The following USP33 variants were observed in gnomAD, a reference collection of about 807,000 sequenced individuals.
USP33 encodes the protein ubiquitin carboxyl-terminal hydrolase 33.
In USP33, 46 loss-of-function variants were observed where a neutral mutation model predicts 124.2. The observed-to-expected ratio is 0.37, with a 90% CI of 0.29 to 0.47. The LOEUF is 0.47. USP33 is among the 20% of genes least tolerant of loss of function. The pLI is 0.99. For synonymous variants in USP33, 350 were observed against 352.3 expected (o/e 0.99, Z 0.07); for missense variants, 851 against 1,070.6 (o/e 0.79, Z 2.86).
At position 77,722,171 on chromosome 1, in the gene USP33, T is replaced by C; in HGVS notation, c.1415A>G (p.Gln472Arg). The C allele has an allele frequency of 6.2e-7, 1 of 1,613,412 alleles. No homozygotes were observed. The highest frequency in any genetic ancestry group is 8.5e-7 in the Non-Finnish European group (1 of 1,179,710). Reference sequence around the variant, plus strand: ...GCCAGGAATTGGCAAGGACAGATCTTGAAAGGTCTCGAGGGTTACAGACAC... The same window carrying C: ...GCCAGGAATTGGCAAGGACAGATCTCGAAAGGTCTCGAGGGTTACAGACAC... ...DRVSVTLETFQDLSLPIPGKE... is the reference protein window; with the variant it reads ...DRVSVTLETFRDLSLPIPGKE... Residue 472 changes from glutamine to arginine, a missense_variant, in exon 13 of 24, where the codon CAA becomes CGA. Gln to Arg is a conservative substitution (Grantham distance 43, BLOSUM62 1). Transcript: ENST00000370794.
chr1:77,750,155 T>TA (rs1008460595), intron 1 of USP33, among the ~76,000 whole-genome samples: 11 of 151,710 alleles, frequency 7.3e-5, no homozygotes, highest in Admixed American at 3.9e-4. Flanking sequence ...CCTTCTTTAC[T>TA]AAAAATACAA....
At chr1:77,717,282 G>T (rs971174573) in intron 17 of USP33, among the ~76,000 whole-genome samples, 1 of 152,080 alleles carries the variant, frequency 6.6e-6, no homozygotes, top group African/African-American at 2.4e-5. Flanking sequence ...GAGGTCAGGA[G>T]ATCGAGACCA....
At chr1:77,714,075 C>A (rs1675592647) in intron 19 of USP33, among the ~76,000 whole-genome samples, 1 of 152,144 alleles carries the variant, frequency 6.6e-6, no homozygotes, top group Non-Finnish European at 1.5e-5. Flanking sequence ...TAGAAATAAA[C>A]ATTAACACAG....
intron 1 of USP33, among the ~76,000 whole-genome samples, chr1:77,750,358 C>T (rs888978722): frequency 1.3e-5 from 2 of 151,662 alleles, no homozygotes; most frequent in African/African-American, 4.9e-5. Context: ...GGCAGCCACG[C>T]ATGACAGCTC....
intron 17 of USP33, chr1:77,717,472 A>G (rs1157550192): frequency 6.7e-6 from 1 of 149,838 alleles, no homozygotes; most frequent in Non-Finnish European, 1.5e-5. Flanking sequence ...CCTGGGCAAC[A>G]GAGTGAGACT....
rs1172562487 is a variant in USP33 at position 77,717,647 on chromosome 1, G to C, written c.1918+220C>G. ...TTTTTAACATTTTTTCTTTTATTCAGATATTATTTAAAAGATTAATTAGGA... is the reference window on the plus strand; with the variant it reads ...TTTTTAACATTTTTTCTTTTATTCACATATTATTTAAAAGATTAATTAGGA... On this transcript the variant is annotated intron_variant, in intron 17 of 23. Coordinates refer to ENST00000370794, the MANE Select transcript of USP33 (RefSeq NM_201624.3). The C allele has an allele frequency of 1.1e-4, 34 of 308,904 alleles. No individual in the cohort carries two copies. In the Admixed American group the frequency reaches 1.7e-3, roughly 15 times the overall value. The allele number at this position is 308,904 out of a possible 1,614,324, so 19.1% of individuals were successfully genotyped here.
intron 1 of USP33, among the ~76,000 whole-genome samples, chr1:77,747,645 G>A (rs1312524538): frequency 6.6e-6 from 1 of 152,086 alleles, no homozygotes; most frequent in East Asian, 1.9e-4. Flanking sequence ...ACCATTAAAA[G>A]GTCTTAATTT....
At chr1:77,740,982 T>C (rs765068024) in intron 3 of USP33, 43 bp from the exon 4 acceptor site, 3 of 1,303,624 alleles carry the variant, frequency 2.3e-6, no homozygotes, top group Admixed American at 2.6e-5. Flanking sequence ...TACTTTATAA[T>C]ATACATGTAA....
intron 15 of USP33, among the ~76,000 whole-genome samples, chr1:77,718,926 C>CAAAAAAAAAAAAAAAAAA (rs1049500513): frequency 1.9e-5 from 1 of 52,522 alleles, no homozygotes; most frequent in Non-Finnish European, 4.0e-5. Flanking sequence ...GACCCTGCCT[C>CAAAAAAAAAAAAAAAAAA]AAAAAAAAAA....
chr1:77,750,088 T>C (rs1202057419), intron 1 of USP33, among the ~76,000 whole-genome samples: 1 of 152,018 alleles, frequency 6.6e-6, no homozygotes, highest in Non-Finnish European at 1.5e-5. Flanking sequence ...GAGGCCGAAG[T>C]AGGTGGATCA....
chr1:77,736,098 G>T lies in USP33; in HGVS notation c.412C>A (p.Leu138Met). ...KTPLVAVFDDLDIEADEEDEL... is the reference protein window; with the variant it reads ...KTPLVAVFDDMDIEADEEDEL... ...TCTTCTTCATCCGCTTCTATATCCAGATCATCAAATACGGCAACCAGAGGA... is the reference window on the plus strand; with the variant it reads ...TCTTCTTCATCCGCTTCTATATCCATATCATCAAATACGGCAACCAGAGGA... Residue 138 changes from leucine to methionine, a missense_variant, in exon 6 of 24, where the codon CTG becomes ATG. Physicochemically the swap from Leu to Met is conservative, Grantham distance 15 (BLOSUM62 2). Transcript: ENST00000370794. The T allele has an allele frequency of 6.2e-7, 1 of 1,613,338 alleles. No homozygotes were observed. Among genetic ancestry groups the T allele is most frequent in the Non-Finnish European group, 8.5e-7 (1 of 1,179,654 alleles).
chr1:77,748,104 T>C (rs76605891), intron 1 of USP33, among the ~76,000 whole-genome samples: 2,812 of 152,312 alleles, frequency 0.018, 108 homozygotes, highest in African/African-American at 0.064. Context: ...CATTTTTATT[T>C]TGTTTCAACC....
In USP33 at chr1:77,734,528, T is replaced by C. The variant is rs922237432; in HGVS notation, c.455-112A>G. The C allele has an allele frequency of 2.6e-5, 17 of 655,792 alleles. 1 individual carries two copies. The highest frequency in any genetic ancestry group is 1.8e-4 in the South Asian group (9 of 48,826). The allele number at this position is 655,792 out of a possible 1,614,324, so 40.6% of individuals were successfully genotyped here. On this transcript the variant is annotated intron_variant, in intron 6 of 23. Coordinates refer to ENST00000370794, the MANE Select transcript of USP33 (RefSeq NM_201624.3). ...CATTAAGGACCACGGAAATACAATA[T>C]AGCAACTTGAACAATTCAGAGAGGT...
At chr1:77,725,797 T>G in intron 10 of USP33, 35 bp from the exon 11 acceptor site, 1 of 1,558,794 alleles carries the variant, frequency 6.4e-7, no homozygotes, top group Middle Eastern at 1.7e-4. Context: ...TTACCTTAAA[T>G]AGTAAAATTA....
At chr1:77,700,766 T>C (rs1172868829) in intron 22 of USP33, among the ~76,000 whole-genome samples, 1 of 151,058 alleles carries the variant, frequency 6.6e-6, no homozygotes, top group Middle Eastern at 3.2e-3. Context: ...AGTGGCATGA[T>C]CTCAGTTCAC....
In USP33 at chr1:77,742,934, AT is replaced by A. The variant is rs199694441; in HGVS notation, c.-51-1187del. On this transcript the variant is annotated intron_variant, in intron 1 of 23. Transcript: ENST00000370794. ...CCTTTTATTATTTATTTATTTATTT[AT>A]TTATTTATTTATTTATTTATTTTTG... 9.5e-3 allele frequency among the ~76,000 whole-genome samples: 1,434 copies of A among 150,522 alleles called. 18 individuals are homozygous for A. Among genetic ancestry groups the A allele is most frequent in the African/African-American group, 0.033 (1,369 of 41,030 alleles).
chr1:77,755,453 T>C (rs548466589), intron 1 of USP33, among the ~76,000 whole-genome samples: 2 of 152,320 alleles, frequency 1.3e-5, no homozygotes, highest in South Asian at 2.1e-4. Context: ...CCCAGCACTT[T>C]GGGAATCCAA....
chr1:77,702,501 T>C (rs1475586860), intron 21 of USP33, among the ~76,000 whole-genome samples: 1 of 152,196 alleles, frequency 6.6e-6, no homozygotes, highest in East Asian at 1.9e-4. Flanking sequence ...ACAAGCAATA[T>C]ACATAAATGT....
intron 1 of USP33, among the ~76,000 whole-genome samples, chr1:77,756,649 ACT>A (rs1422392644): frequency 5.9e-5 from 9 of 151,906 alleles, no homozygotes; most frequent in Admixed American, 5.9e-4. Context: ...GTTATACAAA[ACT>A]CTGAGGCAGT....
Sources: allele counts gnomAD v4.1 joint callset (sites outside exome capture counted in the v4.1 genomes callset), GRCh38; gene constraint gnomAD v4.1.1; transcripts MANE v1.5; gene names NCBI Gene and HGNC (gene_info 2026-07-23, HGNC 2026-07-21).